Variants in SCFD1 observed in about 807,000 individuals in gnomAD.
SCFD1 encodes the protein sec1 family domain containing 1.
Under a neutral mutation model 103.2 loss-of-function variants are expected in SCFD1, and 37 were observed. The observed-to-expected ratio is 0.36, with a 90% CI of 0.28 to 0.47. The LOEUF is 0.47. Ranked by LOEUF, SCFD1 falls within the 20% of genes least tolerant of loss-of-function variation. The probability of loss-of-function intolerance (pLI) is 1.00; values close to 1 mark genes in which losing one functional copy is unlikely to be tolerated. For missense variants in SCFD1, 639 were observed against 761.2 expected, an observed-to-expected ratio of 0.84 and a Z score of 1.89; for synonymous variants, 264 against 245.0, an observed-to-expected ratio of 1.08 and a Z score of -0.73.
At chr14:30,707,706 A>G (rs1181706205) in intron 18 of SCFD1, 1 of 397,068 alleles carries the variant, frequency 2.5e-6, no homozygotes, top group Non-Finnish European at 4.8e-6. Context: ...AGCTAAGACT[A>G]GGAAATTAAG....
chr14:30,735,666 GAA>G lies in SCFD1; in HGVS notation c.*60_*61del, dbSNP rs1893796645. On this transcript the variant is annotated 3_prime_UTR_variant, in exon 25 of 25. Transcript: ENST00000458591. ...GGAATGTGGATAAATGTAAAAAGAA[GAA>G]AAGTTAGAAGAGCAATATGTTTCCT... 2 of 1,291,296 alleles carry G rather than the reference GAA, an allele frequency of 1.5e-6. No homozygotes were observed. Among genetic ancestry groups the G allele is most frequent in the Non-Finnish European group, 2.2e-6 (2 of 908,898 alleles). 80.0% of individuals were successfully genotyped at this position (1,291,296 alleles called of 1,614,324 possible).
intron 10 of SCFD1, 97 bp from the exon 11 acceptor site, chr14:30,670,159 C>A: frequency 1.1e-6 from 1 of 920,682 alleles, no homozygotes; most frequent in Non-Finnish European, 1.6e-6. Flanking sequence ...AATTTCAGAT[C>A]TATATTTTGT....
chr14:30,629,664 G>A (rs1256119410), intron 2 of SCFD1, among the ~76,000 whole-genome samples: 4 of 147,804 alleles, frequency 2.7e-5, no homozygotes, highest in Admixed American at 6.9e-5. Flanking sequence ...TGCAGCCTCC[G>A]CCTCCCAAGT....
At chr14:30,673,442 G>A in intron 12 of SCFD1, 95 bp downstream of exon 12, 1 of 544,290 alleles carries the variant, frequency 1.8e-6, no homozygotes, top group Non-Finnish European at 3.2e-6. Flanking sequence ...AAAATTGAAG[G>A]CCATTTAATG....
In SCFD1 at chr14:30,653,501, C is replaced by G; in HGVS notation, c.768C>G (p.Pro256=). 1 of 1,611,480 alleles carries G rather than the reference C, an allele frequency of 6.2e-7. No homozygotes were observed. The highest frequency in any genetic ancestry group is 8.5e-7 in the Non-Finnish European group (1 of 1,178,018). ...TGTATATTTACAGCTTCCAGAGGCC[C>G]TTATTAGTCCTTGTTGACAGAAACA... ...LGAGQFSFQR[P]LLVLVDRNID... The change falls in exon 10 of 25, where the codon CCC becomes CCG. Residue 256 remains proline, a synonymous_variant. Transcript: ENST00000458591.
intron 20 of SCFD1, among the ~76,000 whole-genome samples, chr14:30,716,937 T>G (rs919411086): frequency 6.6e-6 from 1 of 152,168 alleles, no homozygotes; most frequent in African/African-American, 2.4e-5. Flanking sequence ...TGGGAATCAA[T>G]ACAGATAAAG....
At chr14:30,676,820 A>G (rs1889071152) in intron 14 of SCFD1, among the ~76,000 whole-genome samples, 1 of 152,238 alleles carries the variant, frequency 6.6e-6, no homozygotes, top group South Asian at 2.1e-4. Flanking sequence ...AGTTCTGGAA[A>G]TAAAAGTGGA....
intron 18 of SCFD1, chr14:30,707,674 A>G (rs761497085): frequency 2.3e-5 from 8 of 343,470 alleles, no homozygotes; most frequent in Admixed American, 4.0e-5. Flanking sequence ...TCTTCAAATT[A>G]TAACTCGCAA....
At chr14:30,693,529 ACT>A in intron 14 of SCFD1, among the ~76,000 whole-genome samples, 1 of 152,238 alleles carries the variant, frequency 6.6e-6, no homozygotes. Context: ...TCCTTAGTCT[ACT>A]GTTTAGATGT....
At chr14:30,654,950 A>T (rs1267526667) in intron 10 of SCFD1, among the ~76,000 whole-genome samples, 2 of 152,190 alleles carry the variant, frequency 1.3e-5, no homozygotes, top group African/African-American at 4.8e-5. Context: ...GTCAAGTAAG[A>T]GGTGGGAGAG....
intron 3 of SCFD1, 149 bp downstream of exon 3, chr14:30,630,714 T>C: frequency 1.7e-6 from 1 of 580,596 alleles, no homozygotes; most frequent in Non-Finnish European, 3.0e-6. Context: ...TTTAAAAAAA[T>C]CCTCAGTCTG....
intron 14 of SCFD1, chr14:30,683,668 T>G: frequency 4.8e-6 from 1 of 207,448 alleles, no homozygotes; most frequent in Non-Finnish European, 9.7e-6. Context: ...TACTTTCCTA[T>G]AGATATTACG....
intron 17 of SCFD1, among the ~76,000 whole-genome samples, chr14:30,703,910 CATATATATATAT>C (rs71443380): frequency 1.4e-3 from 54 of 39,544 alleles, no homozygotes; most frequent in South Asian, 2.9e-3. Context: ...GGAATATTTG[CATATATATATAT>C]ATATATATAT....
At chr14:30,636,563 C>G (rs1203504404) in intron 4 of SCFD1, among the ~76,000 whole-genome samples, 2 of 152,050 alleles carry the variant, frequency 1.3e-5, no homozygotes, top group Non-Finnish European at 2.9e-5. Context: ...TTTCTGAACT[C>G]TCAGTTCTAT....
At chr14:30,708,706 A>T (rs964876279) in intron 19 of SCFD1, among the ~76,000 whole-genome samples, 22 of 152,160 alleles carry the variant, frequency 1.4e-4, no homozygotes, top group Non-Finnish European at 2.8e-4. Context: ...TAATAAGCTA[A>T]TGAACTTCAT....
chr14:30,734,240 C>T (rs1196242516), intron 23 of SCFD1, among the ~76,000 whole-genome samples: 1 of 152,132 alleles, frequency 6.6e-6, no homozygotes, highest in Non-Finnish European at 1.5e-5. Context: ...AAGAAATTAG[C>T]AAATCGCTAA....
Position 30,628,225 on chromosome 14 carries a change from G to T in SCFD1, c.78G>T (p.Met26Ile). 6.2e-7 allele frequency: 1 copy of T among 1,611,322 alleles called. No individual in the cohort carries two copies. Among genetic ancestry groups the T allele is most frequent in the Non-Finnish European group, 8.5e-7 (1 of 1,178,014 alleles). The change falls in exon 2 of 25, where the codon ATG becomes ATT. Residue 26 changes from methionine (M) to isoleucine (I), a missense_variant. Transcript: ENST00000458591. The stretch of plus-strand genomic sequence containing the variant: ...TATTTTCAGTGGCTTTGAAGCGTAT[G>T]TTGAATTTCAATGTGCCTCATATTA... ...RERQTVALKRMLNFNVPHIKN... is the reference protein window; with the variant it reads ...RERQTVALKRILNFNVPHIKN...
Position 30,735,158 on chromosome 14 carries a change from C to T in SCFD1, c.1905+300C>T, listed in dbSNP as rs564347160. Reference sequence around the variant, plus strand: ...GTAGTGTGTCACTCATGACATTTCTCTTTATATTGTCACAAAGTTAGCACT... The same window carrying T: ...GTAGTGTGTCACTCATGACATTTCTTTTTATATTGTCACAAAGTTAGCACT... On this transcript the variant is annotated intron_variant, in intron 24 of 24. Coordinates refer to ENST00000458591, the MANE Select transcript of SCFD1 (RefSeq NM_016106.4). 6.0e-5 allele frequency: 19 copies of T among 315,594 alleles called. No individual in the cohort carries two copies. In the East Asian group the frequency reaches 1.1e-3, roughly 19 times the overall value. 19.5% of individuals were successfully genotyped at this position (315,594 alleles called of 1,614,324 possible). A position where few individuals can be genotyped will look rare whatever the true frequency, so the allele number is the denominator to read the frequency against.
At chr14:30,705,061 A>T (rs908992568) in intron 17 of SCFD1, among the ~76,000 whole-genome samples, 1 of 152,176 alleles carries the variant, frequency 6.6e-6, no homozygotes, top group Non-Finnish European at 1.5e-5. Flanking sequence ...CCCATCCTTC[A>T]TCAATCGTAT....
Sources: gnomAD v4.1 joint callset for allele counts (sites outside exome capture counted in the v4.1 genomes callset) on GRCh38, gnomAD v4.1.1 for gene constraint, MANE v1.5 for transcripts, NCBI Gene and HGNC (gene_info 2026-07-23, HGNC 2026-07-21) for gene names.